The following ERC1 variants were observed in gnomAD, a reference collection of about 807,000 sequenced individuals.
ERC1 encodes ELKS/RAB6-interacting/CAST family member 1.
Under a neutral mutation model 132.0 loss-of-function variants are expected in ERC1, and 56 were observed. The ratio of observed to expected loss-of-function variants is 0.42; its 90% confidence interval spans 0.34 to 0.53. The LOEUF is 0.53. ERC1 is among the 20% of genes least tolerant of loss of function. ERC1 has a pLI of 0.03. For synonymous variants in ERC1, 478 were observed against 476.1 expected (o/e 1.00, Z -0.05); for missense variants, 1,202 against 1,349.9 (o/e 0.89, Z 1.72).
At chr12:1,110,063 A>G (rs1945685225) in intron 4 of ERC1, 129 bp from the exon 5 acceptor site, 2 of 756,242 alleles carry the variant, frequency 2.6e-6, no homozygotes, top group East Asian at 3.0e-5. Flanking sequence ...CAAGGCACCA[A>G]TTGCCAGACA....
intron 2 of ERC1, among the ~76,000 whole-genome samples, chr12:1,079,065 CAG>C (rs1941801954): frequency 6.7e-6 from 1 of 150,174 alleles, no homozygotes; most frequent in Non-Finnish European, 1.5e-5. Context: ...AGTCGATATA[CAG>C]AGATACATAT....
intron 15 of ERC1, among the ~76,000 whole-genome samples, chr12:1,311,743 A>G (rs2081322748): frequency 6.6e-6 from 1 of 152,302 alleles, no homozygotes; most frequent in African/African-American, 2.4e-5. Flanking sequence ...AAAAGATGCA[A>G]TTGCTTTACT....
At chr12:1,260,852 G>A (rs1218273949) in intron 13 of ERC1, among the ~76,000 whole-genome samples, 1 of 152,094 alleles carries the variant, frequency 6.6e-6, no homozygotes, top group Non-Finnish European at 1.5e-5. Flanking sequence ...TTACTTATCA[G>A]CCATTTCCTT....
rs1592386673 is a variant in ERC1 at position 1,490,001 on chromosome 12, A to T, written c.3214-92A>T. The T allele has an allele frequency of 2.2e-6, 3 of 1,357,868 alleles. No homozygotes were observed. The East Asian group carries it at 7.0e-5, about 32-fold the overall frequency. The allele number at this position is 1,357,868 out of a possible 1,614,324, so 84.1% of individuals were successfully genotyped here. ...TGATGCAGAGAGACTTCACATACAG[A>T]GTGCCTTTGTCATTTATTGATGAAA... On this transcript the variant is annotated intron_variant, in intron 18 of 18. Coordinates refer to ENST00000360905, the MANE Select transcript of ERC1 (RefSeq NM_178040.4).
At chr12:1,223,619 T>C (rs1488445295) in intron 12 of ERC1, among the ~76,000 whole-genome samples, 1 of 152,232 alleles carries the variant, frequency 6.6e-6, no homozygotes, top group African/African-American at 2.4e-5. Context: ...ACTATTTTCT[T>C]TCCCATCTTC....
chr12:1,336,420 C>T (rs894036724), intron 15 of ERC1, among the ~76,000 whole-genome samples: 1 of 152,130 alleles, frequency 6.6e-6, no homozygotes, highest in Non-Finnish European at 1.5e-5. Flanking sequence ...ATTGTCTTAG[C>T]TGTGTCCCAG....
In ERC1 at chr12:1,293,460, A is replaced by G. The variant is rs1389997007; in HGVS notation, c.2780+3448A>G. ...AGAGCAAAACTCCATCTCAAACAACAACAACAACAACAACAACAATTAGCC... is the reference window on the plus strand; with the variant it reads ...AGAGCAAAACTCCATCTCAAACAACGACAACAACAACAACAACAATTAGCC... On this transcript the variant is annotated intron_variant, in intron 15 of 18. Transcript: ENST00000360905. 1.8e-5 allele frequency among the ~76,000 whole-genome samples: 2 copies of G among 113,470 alleles called. 1 individual carries two copies. Among genetic ancestry groups the G allele is most frequent in the Non-Finnish European group, 3.9e-5 (2 of 51,590 alleles). The allele number at this position is 113,470 out of a possible 152,430, so 74.4% of individuals were successfully genotyped here. A position where few individuals can be genotyped will look rare whatever the true frequency, so the allele number is the denominator to read the frequency against.
At chr12:1,039,065 G>A (rs1007641487) in intron 2 of ERC1, among the ~76,000 whole-genome samples, 1 of 151,904 alleles carries the variant, frequency 6.6e-6, no homozygotes, top group Non-Finnish European at 1.5e-5. Context: ...GGCCAGGCAC[G>A]GTGGCTCACG....
At chr12:1,445,420 G>C (rs925180804) in intron 18 of ERC1, among the ~76,000 whole-genome samples, 1 of 151,772 alleles carries the variant, frequency 6.6e-6, no homozygotes, top group Non-Finnish European at 1.5e-5. Context: ...CAGTAGAGAT[G>C]GGGTTTCACC....
chr12:1,402,448 T>G (rs2091147625), intron 16 of ERC1, among the ~76,000 whole-genome samples: 3 of 151,894 alleles, frequency 2.0e-5, no homozygotes, highest in African/African-American at 7.3e-5. Context: ...GAGAATCGCT[T>G]GAACCCGGAG....
chr12:1,179,668 C>T lies in ERC1; in HGVS notation c.1738-872C>T, dbSNP rs527736520. Among the ~76,000 whole-genome samples, 339 of 151,962 alleles carry T rather than the reference C, an allele frequency of 2.2e-3. 2 individuals are homozygous for T. Among genetic ancestry groups the T allele is most frequent in the Admixed American group, 3.9e-3 (59 of 15,264 alleles). ...GACTACAGGCGCCCGCCACTACGCC[C>T]GGCTAATTTTTTGTATTTTTAGTAG... On this transcript the variant is annotated intron_variant, in intron 8 of 18. Transcript: ENST00000360905.
At chr12:1,184,609 C>T (rs1954862833) in intron 11 of ERC1, among the ~76,000 whole-genome samples, 1 of 152,078 alleles carries the variant, frequency 6.6e-6, no homozygotes, top group Non-Finnish European at 1.5e-5. Flanking sequence ...TAATTGGAGT[C>T]ATTTTTGACC....
At chr12:1,418,317 A>G (rs975431954) in intron 17 of ERC1, among the ~76,000 whole-genome samples, 5 of 152,212 alleles carry the variant, frequency 3.3e-5, no homozygotes, top group Admixed American at 6.5e-5. Context: ...GAAGCAAGCT[A>G]TAAAGAATTT....
At chr12:1,357,843 C>T (rs1463113818) in intron 15 of ERC1, among the ~76,000 whole-genome samples, 1 of 152,186 alleles carries the variant, frequency 6.6e-6, no homozygotes, top group African/African-American at 2.4e-5. Context: ...GCTCAGCTTC[C>T]CCTCCTCCAA....
chr12:1,196,575 C>T (rs1414930392), intron 12 of ERC1, among the ~76,000 whole-genome samples: 1 of 150,698 alleles, frequency 6.6e-6, no homozygotes, highest in East Asian at 1.9e-4. Flanking sequence ...CTCACTATAG[C>T]CTAGACCTCC....
chr12:1,337,881 G>C (rs2083445393), intron 15 of ERC1, among the ~76,000 whole-genome samples: 1 of 152,178 alleles, frequency 6.6e-6, no homozygotes, highest in African/African-American at 2.4e-5. Context: ...CTTCTGGCTT[G>C]TAGGGTTTCT....
At chr12:1,362,713 C>A (rs997692969) in intron 15 of ERC1, among the ~76,000 whole-genome samples, 3 of 152,032 alleles carry the variant, frequency 2.0e-5, no homozygotes, top group Admixed American at 2.0e-4. Context: ...CTGGAAGGGG[C>A]AGAGGAGGGT....
chr12:1,160,457 G>A (rs1204576126), intron 8 of ERC1, among the ~76,000 whole-genome samples: 3 of 152,116 alleles, frequency 2.0e-5, no homozygotes, highest in Middle Eastern at 3.2e-3. Flanking sequence ...AGATCAAGGT[G>A]AGCATGGTGG....
chr12:1,233,062 T>TCATTA (rs1011899518), intron 12 of ERC1, among the ~76,000 whole-genome samples: 10 of 152,176 alleles, frequency 6.6e-5, no homozygotes, highest in African/African-American at 1.7e-4. Context: ...CAGGAAAAGT[T>TCATTA]CATTAGTGCA....
Sources: gnomAD v4.1 joint callset for allele counts (sites outside exome capture counted in the v4.1 genomes callset) on GRCh38, gnomAD v4.1.1 for gene constraint, MANE v1.5 for transcripts, NCBI Gene and HGNC (gene_info 2026-07-23, HGNC 2026-07-21) for gene names.